Variants in TET2 observed in about 807,000 individuals in gnomAD.
TET2 encodes the protein tet methylcytosine dioxygenase 2.
In TET2, 299 loss-of-function variants were observed where a neutral mutation model predicts 142.9. That is an observed-to-expected ratio of 2.09 (90% CI 1.90 to 2.30). The LOEUF (loss-of-function observed/expected upper bound fraction) is 2.30. Among genes scored for constraint, TET2 ranks in the 30% most tolerant of loss-of-function variants. TET2 has a pLI of 0.00. For synonymous variants in TET2, 819 were observed against 849.0 expected (o/e 0.96, Z 0.61); for missense variants, 2,418 against 2,378.0 (o/e 1.02, Z -0.35).
chr4:105,196,078 AG>A lies in TET2; in HGVS notation c.-47+5574del, dbSNP rs1285339669. Among the ~76,000 whole-genome samples, 3 of 152,026 alleles carry A rather than the reference AG, an allele frequency of 2.0e-5. No homozygotes were observed. In the East Asian group the frequency reaches 5.8e-4, roughly 29 times the overall value. ...TTTTTCCACCTCTACCCCAAAACAC[AG>A]TTTAGACATATCCATTCTTTTCATT... On this transcript the variant is annotated intron_variant, in intron 2 of 10. Coordinates refer to ENST00000380013, the MANE Select transcript of TET2 (RefSeq NM_001127208.3).
In TET2 at chr4:105,275,277, T is replaced by G. The variant is rs1175641737; in HGVS notation, c.4767T>G (p.Tyr1589Ter). The G allele has an allele frequency of 6.4e-7, 1 of 1,552,292 alleles. No individual in the cohort carries two copies. ...ACTCTTCACACACTTCAGATATCTATGGAAGCACCAGCCCTATGAACTTCT... is the reference window on the plus strand; with the variant it reads ...ACTCTTCACACACTTCAGATATCTAGGGAAGCACCAGCCCTATGAACTTCT... Reference protein sequence around the residue: ...YPNSSHTSDIYGSTSPMNFYS... With the variant: ...YPNSSHTSDI Residue 1589 changes from tyrosine to a stop codon, truncating the protein, a stop_gained, in exon 11 of 11, where the codon TAT becomes TAG. Coordinates refer to ENST00000380013, the MANE Select transcript of TET2 (RefSeq NM_001127208.3). LOFTEE classifies it low-confidence loss of function (END_TRUNC).
In TET2 at chr4:105,234,621, G is replaced by GA. The variant is rs759055581; in HGVS notation, c.685dup (p.Thr229AsnfsTer25). The GA allele has an allele frequency of 6.2e-6, 10 of 1,613,954 alleles. No individual in the cohort carries two copies. Among genetic ancestry groups the GA allele is most frequent in the East Asian group, 4.5e-5 (2 of 44,848 alleles). On this transcript the variant is annotated frameshift_variant, in exon 3 of 11. Transcript: ENST00000380013. LOFTEE classifies it high-confidence loss of function. ...GGAACACACACATGGTGAACTCCTG[G>GA]AAAAAACACTGTCTCAATATTATCC...
At chr4:105,149,348 T>C (rs1224808973) in intron 1 of TET2, among the ~76,000 whole-genome samples, 1 of 152,186 alleles carries the variant, frequency 6.6e-6, no homozygotes, top group Non-Finnish European at 1.5e-5. Flanking sequence ...TAGATTCTTG[T>C]TATTTTGTGC....
In TET2 at chr4:105,234,243, CCTT is replaced by C. The variant is rs1560540525; in HGVS notation, c.304_306del (p.Ser102del). 2 of 1,614,102 alleles carry C rather than the reference CCTT, an allele frequency of 1.2e-6. No homozygotes were observed. Among genetic ancestry groups the C allele is most frequent in the Non-Finnish European group, 1.7e-6 (2 of 1,179,986 alleles). On this transcript the variant is annotated inframe_deletion, in exon 3 of 11. Transcript: ENST00000380013. ...AGGAATAAAACGCACAGTTAGTGAA[CCTT>C]CTCTCTCTGGGCTCCTTCAGATCAA...
At chr4:105,200,313 T>C (rs1195538823) in intron 2 of TET2, among the ~76,000 whole-genome samples, 1 of 140,562 alleles carries the variant, frequency 7.1e-6, no homozygotes, top group Admixed American at 6.8e-5. Context: ...CTTTATTTCA[T>C]ATGTTTGTTG....
In TET2 at chr4:105,242,449, C is replaced by T. The variant is rs149618331; in HGVS notation, c.3501-385C>T. On this transcript the variant is annotated intron_variant, in intron 4 of 10. Coordinates refer to ENST00000380013, the MANE Select transcript of TET2 (RefSeq NM_001127208.3). ...TTGGAGGAACAGTTCTAACTAAAATCTATTATGACTCCCCAAGTTTTAAAA... is the reference window on the plus strand; with the variant it reads ...TTGGAGGAACAGTTCTAACTAAAATTTATTATGACTCCCCAAGTTTTAAAA... 1.5e-5 allele frequency: 16 copies of T among 1,100,746 alleles called. No homozygotes were observed. The African/African-American group carries it at 2.6e-4, about 18-fold the overall frequency. 68.2% of individuals were successfully genotyped at this position (1,100,746 alleles called of 1,614,324 possible). A position where few individuals can be genotyped will look rare whatever the true frequency, so the allele number is the denominator to read the frequency against.
chr4:105,240,922 C>T (rs1027272303), intron 3 of TET2: 1 of 1,080,822 alleles, frequency 9.3e-7, no homozygotes, highest in African/African-American at 1.6e-5. Context: ...TGGGATAGAG[C>T]AGGAAATTTT....
At chr4:105,150,981 A>G (rs759691333) in intron 1 of TET2, among the ~76,000 whole-genome samples, 1 of 152,210 alleles carries the variant, frequency 6.6e-6, no homozygotes, top group Admixed American at 6.5e-5. Context: ...AAATAGATAT[A>G]TAATCTTTTT....
intron 1 of TET2, among the ~76,000 whole-genome samples, chr4:105,175,871 A>G (rs1420463297): frequency 1.3e-5 from 2 of 152,166 alleles, no homozygotes; most frequent in East Asian, 1.9e-4. Flanking sequence ...TTTATCTGAC[A>G]TATCCTCATA....
intron 10 of TET2, among the ~76,000 whole-genome samples, chr4:105,274,589 G>A (rs576455402): frequency 1.3e-5 from 2 of 152,286 alleles, no homozygotes; most frequent in South Asian, 4.1e-4. Flanking sequence ...TGGGGGTGAA[G>A]AGAGGGCTAA....
chr4:105,227,534 T>C (rs1439537667), intron 2 of TET2, among the ~76,000 whole-genome samples: 1 of 129,206 alleles, frequency 7.7e-6, no homozygotes, highest in Admixed American at 7.0e-5. Flanking sequence ...AGTTGCACAA[T>C]AGAGCAGTAT....
chr4:105,268,666 G>C (rs1357136421), intron 8 of TET2, among the ~76,000 whole-genome samples: 1 of 152,198 alleles, frequency 6.6e-6, no homozygotes, highest in Non-Finnish European at 1.5e-5. Flanking sequence ...AATTGCTACT[G>C]TCTGTCAAGA....
At chr4:105,179,206 A>G (rs948909980) in intron 1 of TET2, among the ~76,000 whole-genome samples, 1 of 152,214 alleles carries the variant, frequency 6.6e-6, no homozygotes, top group Non-Finnish European at 1.5e-5. Context: ...GCCTAACCAT[A>G]TCAGTGATAA....
intron 2 of TET2, among the ~76,000 whole-genome samples, chr4:105,213,540 C>A (rs1727294663): frequency 6.6e-6 from 1 of 152,146 alleles, no homozygotes; most frequent in African/African-American, 2.4e-5. Flanking sequence ...AAATGGACTT[C>A]CTGCTATTTT....
rs763242683 is a variant in TET2, at chr4:105,235,941, C to T, written c.1999C>T (p.His667Tyr). 4 of 1,614,090 alleles carry T rather than the reference C, an allele frequency of 2.5e-6. No homozygotes were observed. In the South Asian group the frequency reaches 3.3e-5, roughly 13 times the overall value. ...CCAGGTGCACTTCTCCAAAACAGAC[C>T]ATTTACCAAAAGCTCATGTGCAGTC... ...SHQVHFSKTD[H>Y]LPKAHVQSLC... is the part of the protein sequence containing the mutation. The change falls in exon 3 of 11, where the codon CAT (histidine) becomes TAT (tyrosine). Residue 667 changes from histidine (H) to tyrosine (Y), a missense_variant. Physicochemically the swap from His to Tyr is moderately conservative, Grantham distance 83. Coordinates refer to ENST00000380013, the MANE Select transcript of TET2 (RefSeq NM_001127208.3).
Position 105,275,399 on chromosome 4 carries a change from C to T in TET2, c.4889C>T (p.Ser1630Leu), listed in dbSNP as rs1351807056. 5.8e-6 allele frequency: 9 copies of T among 1,551,538 alleles called. No individual in the cohort carries two copies. The highest frequency in any genetic ancestry group is 7.8e-6 in the Non-Finnish European group (9 of 1,146,996). Residue 1630 changes from serine (S) to leucine (L), a missense_variant, in exon 11 of 11, where the codon TCA becomes TTA. By Grantham distance (145) the Ser-to-Leu change is moderately radical (BLOSUM62 -2). Coordinates refer to ENST00000380013, the MANE Select transcript of TET2 (RefSeq NM_001127208.3). Reference sequence around the variant, plus strand: ...TTGAATCAGAATACCCAATATCCATCATATCAATGCAATGGAAACCTATCA... The same window carrying T: ...TTGAATCAGAATACCCAATATCCATTATATCAATGCAATGGAAACCTATCA... ...GLLNQNTQYP[S>L]YQCNGNLSVD...
At chr4:105,153,045 G>A (rs1398535692) in intron 1 of TET2, among the ~76,000 whole-genome samples, 1 of 152,154 alleles carries the variant, frequency 6.6e-6, no homozygotes, top group Non-Finnish European at 1.5e-5. Context: ...AAGCACAAAA[G>A]TGAATGGTTT....
chr4:105,152,284 A>G (rs1692905844), intron 1 of TET2, among the ~76,000 whole-genome samples: 1 of 152,200 alleles, frequency 6.6e-6, no homozygotes, highest in African/African-American at 2.4e-5. Context: ...CTGCCTCAAA[A>G]AAAGAAAAAT....
chr4:105,200,381 A>G (rs1006085085), intron 2 of TET2, among the ~76,000 whole-genome samples: 10 of 151,600 alleles, frequency 6.6e-5, no homozygotes, highest in African/African-American at 2.4e-4. Context: ...CCACTTTTTC[A>G]ATGGGGATGT....
Sources: allele counts gnomAD v4.1 joint callset (sites outside exome capture counted in the v4.1 genomes callset), GRCh38; gene constraint gnomAD v4.1.1; transcripts MANE v1.5; gene names NCBI Gene and HGNC (gene_info 2026-07-23, HGNC 2026-07-21).